GAK: variants seen among roughly 807,000 people sequenced by gnomAD.
GAK encodes cyclin-G-associated kinase.
In GAK, 79 loss-of-function variants were observed where a neutral mutation model predicts 143.9. The observed-to-expected ratio is 0.55, with a 90% CI of 0.46 to 0.66. GAK has a LOEUF of 0.66. Among genes scored for constraint, GAK ranks in the 30% least tolerant of loss-of-function variants. The probability of loss-of-function intolerance (pLI) is 0.00; values close to 1 mark genes in which losing one functional copy is unlikely to be tolerated. For synonymous variants in GAK, 881 were observed against 765.5 expected (o/e 1.15, Z -2.49); for missense variants, 1,693 against 1,779.7 (o/e 0.95, Z 0.88).
intron 5 of GAK, among the ~76,000 whole-genome samples, chr4:901,163 G>C (rs1404925518): frequency 1.3e-5 from 2 of 152,264 alleles, no homozygotes; most frequent in Non-Finnish European, 2.9e-5. Flanking sequence ...GCCTGCCAGA[G>C]CCTTGGCCCT....
intron 24 of GAK, among the ~76,000 whole-genome samples, chr4:858,157 G>A (rs1441404690): frequency 6.6e-6 from 1 of 152,272 alleles, no homozygotes; most frequent in Admixed American, 6.5e-5. Context: ...CGTGCCTGCA[G>A]CTGGTGGGCC....
chr4:902,602 A>AAAAAAAAAAAAAAAC (rs1560401424), intron 5 of GAK, among the ~76,000 whole-genome samples: 2 of 149,286 alleles, frequency 1.3e-5, no homozygotes, highest in Non-Finnish European at 3.0e-5. Context: ...GACTCAAAAA[A>AAAAAAAAAAAAAAAC]AAAAAAAAAA....
intron 25 of GAK, chr4:851,318 A>G (rs1748101779): frequency 2.2e-6 from 1 of 444,952 alleles, no homozygotes. Flanking sequence ...CTGGTCTTGA[A>G]CTCCTGGGCT....
At chr4:914,603 T>C (rs1373348367) in intron 1 of GAK, among the ~76,000 whole-genome samples, 108 of 20,292 alleles carry the variant, frequency 5.3e-3, no homozygotes, top group South Asian at 0.012. Context: ...CCCACACACA[T>C]AGCCCCAGCG....
At chr4:920,922 G>T (rs1723830785) in intron 1 of GAK, among the ~76,000 whole-genome samples, 1 of 152,248 alleles carries the variant, frequency 6.6e-6, no homozygotes, top group East Asian at 1.9e-4. Flanking sequence ...GTATTTTTCT[G>T]CATTTTAAAA....
intron 11 of GAK, chr4:887,906 C>T (rs1007383443): frequency 1.7e-5 from 2 of 121,012 alleles, no homozygotes; most frequent in Admixed American, 8.2e-5. Flanking sequence ...TTTACACACA[C>T]ATGCACACAT....
At chr4:898,472 T>C (rs1294671394) in intron 5 of GAK, among the ~76,000 whole-genome samples, 1 of 152,242 alleles carries the variant, frequency 6.6e-6, no homozygotes. Flanking sequence ...ATGTCTTAAA[T>C]TACTTCTGAT....
At position 895,623 on chromosome 4, in the gene GAK, G is replaced by A. The variant is rs1015633626; in HGVS notation, c.741+837C>T. ...GTCCGTAGGCAAATACACTACGGAGGGCCAACTGCCGCACCTGGTGGCTGA... is the reference window on the plus strand; with the variant it reads ...GTCCGTAGGCAAATACACTACGGAGAGCCAACTGCCGCACCTGGTGGCTGA... On this transcript the variant is annotated intron_variant, in intron 7 of 27. Transcript: ENST00000314167. Among the ~76,000 whole-genome samples, 6 of 152,250 alleles carry A rather than the reference G, an allele frequency of 3.9e-5. No individual in the cohort carries two copies. In the East Asian group the frequency reaches 9.6e-4, roughly 24 times the overall value.
At chr4:918,978 C>T (rs1265714538) in intron 1 of GAK, among the ~76,000 whole-genome samples, 3 of 76,152 alleles carry the variant, frequency 3.9e-5, no homozygotes, top group African/African-American at 1.3e-4. Flanking sequence ...GGCCTCAGTG[C>T]CCCATGACCT....
chr4:923,817 C>G (rs1355137634), intron 1 of GAK, among the ~76,000 whole-genome samples: 1 of 152,160 alleles, frequency 6.6e-6, no homozygotes, highest in Non-Finnish European at 1.5e-5. Context: ...CCTTCTCTTT[C>G]TCACATAAAT....
chr4:851,783 G>A lies in GAK; in HGVS notation c.3475C>T (p.Arg1159Trp), dbSNP rs781056821. Residue 1159 changes from arginine to tryptophan, a missense_variant, in exon 25 of 28, where the codon CGG becomes TGG. Physicochemically the swap from Arg to Trp is moderately radical, Grantham distance 101 (BLOSUM62 -3). This residue lies in a region of GAK where 822 missense variants were observed against 788.7 expected (regional missense o/e 1.04). Coordinates refer to ENST00000314167, the MANE Select transcript of GAK (RefSeq NM_005255.4). ...GGTGCGCGGACCCCCCGCTCCTCCC[G>A]CGCCCCGATCACACTGAAGTTCGAG... ...YASNFSVIGA[R>W]EERGVRAPSF... The A allele has an allele frequency of 1.1e-5, 18 of 1,612,872 alleles. No homozygotes were observed. Among genetic ancestry groups the A allele is most frequent in the African/African-American group, 5.3e-5 (4 of 74,932 alleles).
chr4:854,118 CTTT>C (rs573575985), intron 24 of GAK, among the ~76,000 whole-genome samples: 2 of 139,282 alleles, frequency 1.4e-5, no homozygotes, highest in Admixed American at 7.2e-5. Flanking sequence ...CATTTTCTTT[CTTT>C]TTTTTTTTTT....
At position 883,328 on chromosome 4, in the gene GAK, C is replaced by G; in HGVS notation, c.1391G>C (p.Arg464Thr). The G allele has an allele frequency of 6.2e-7, 1 of 1,613,386 alleles. No individual in the cohort carries two copies. The highest frequency in any genetic ancestry group is 8.5e-7 in the Non-Finnish European group (1 of 1,179,944). ...NLSPRTYRPS[R>T]FHNRVSECGW... Reference sequence around the variant, plus strand: ...GTGGCCACACACCCGGTTGTGGAACCTGGAGGGCCGGTAGGTCCTCGGGGA... The same window carrying G: ...GTGGCCACACACCCGGTTGTGGAACGTGGAGGGCCGGTAGGTCCTCGGGGA... The change falls in exon 13 of 28, where the codon AGG becomes ACG. Residue 464 changes from arginine (R) to threonine (T), a missense_variant. By Grantham distance (71) the Arg-to-Thr change is moderately conservative (BLOSUM62 -1). Around this residue, in one of 2 missense-constraint regions of GAK, gnomAD observed 871 missense variants for 991.0 expected, o/e 0.88. Transcript: ENST00000314167.
rs563960569 is a variant in GAK at position 868,399 on chromosome 4, A to G, written c.2395+140T>C. The G allele has an allele frequency of 3.8e-5, 27 of 709,884 alleles. No homozygotes were observed. The South Asian group carries it at 5.1e-4, about 14-fold the overall frequency. The allele number at this position is 709,884 out of a possible 1,614,324, so 44.0% of individuals were successfully genotyped here. A position where few individuals can be genotyped will look rare whatever the true frequency, so the allele number is the denominator to read the frequency against. ...GTGAGCCATTAAAGAACAGGCTGAC[A>G]TGCCGGGTGCACAGCCCCACTGAGG... On this transcript the variant is annotated intron_variant, in intron 20 of 27. Coordinates refer to ENST00000314167, the MANE Select transcript of GAK (RefSeq NM_005255.4).
chr4:921,931 C>T (rs761763014), intron 1 of GAK, among the ~76,000 whole-genome samples: 1 of 152,112 alleles, frequency 6.6e-6, no homozygotes, highest in Non-Finnish European at 1.5e-5. Context: ...CCCAAGCTAT[C>T]GGGAAAATGC....
chr4:873,496 TA>T (rs35149051), intron 18 of GAK, among the ~76,000 whole-genome samples: 75,903 of 148,170 alleles, frequency 0.51, 19,220 homozygotes, highest in South Asian at 0.59. Context: ...TTAAACCTTG[TA>T]AAAAAAAAAA....
intron 18 of GAK, among the ~76,000 whole-genome samples, chr4:872,081 G>A (rs1043494928): frequency 6.6e-6 from 1 of 152,234 alleles, no homozygotes; most frequent in Non-Finnish European, 1.5e-5. Context: ...GGAGGGCAGG[G>A]AGACGGGCCC....
chr4:881,865 G>A (rs755756761), intron 15 of GAK, 42 bp downstream of exon 15: 3 of 1,531,732 alleles, frequency 2.0e-6, no homozygotes, highest in South Asian at 1.2e-5. Flanking sequence ...TGCCACACGG[G>A]CCCACAGAGC....
chr4:884,354 C>CT (rs1715817482), intron 11 of GAK: 2 of 475,540 alleles, frequency 4.2e-6, no homozygotes, highest in Non-Finnish European at 7.6e-6. Context: ...CATCCGCTGT[C>CT]TGACTGCCCC....
Sources: gnomAD v4.1 joint callset for allele counts (sites outside exome capture counted in the v4.1 genomes callset) on GRCh38, gnomAD v4.1.1 for gene constraint, gnomAD v4.1.1 regional missense constraint, MANE v1.5 for transcripts, NCBI Gene and HGNC (gene_info 2026-07-23, HGNC 2026-07-21) for gene names.